IL21: variants seen among roughly 807,000 people sequenced by gnomAD.
IL21 encodes the protein interleukin-21.
A neutral mutation model predicts 18.4 loss-of-function variants in IL21; 3 were observed. The observed-to-expected ratio is 0.16, with a 90% CI of 0.07 to 0.42. IL21 has a LOEUF of 0.42. Ranked by LOEUF, IL21 falls within the 10% of genes least tolerant of loss-of-function variation. The pLI is 0.99. For synonymous variants in IL21, 37 were observed against 62.0 expected (o/e 0.60, Z 1.90); for missense variants, 130 against 188.4 (o/e 0.69, Z 1.81).
At position 122,610,183 on chromosome 4, in the gene IL21, A is replaced by T. The variant is rs1799247647; in HGVS notation, c.*2527T>A. On this transcript the variant is annotated 3_prime_UTR_variant, in exon 5 of 5. Coordinates refer to ENST00000648588, the MANE Select transcript of IL21 (RefSeq NM_021803.4). ...AACATGAACATTTAAAATCAAATAT[A>T]TAATAAATAATTATTAAGTTATAAA... Among the ~76,000 whole-genome samples the T allele has an allele frequency of 6.6e-6, 1 of 152,178 alleles. No homozygotes were observed. Among genetic ancestry groups the T allele is most frequent in the South Asian group, 2.1e-4 (1 of 4,828 alleles).
chr4:122,618,433 G>T (rs45603132), intron 2 of IL21, among the ~76,000 whole-genome samples: 30 of 152,102 alleles, frequency 2.0e-4, no homozygotes, highest in African/African-American at 7.0e-4. Flanking sequence ...ACCCAGCTGA[G>T]GCCTATTTTT....
At chr4:122,617,963 C>T (rs1245557537) in intron 2 of IL21, among the ~76,000 whole-genome samples, 2 of 152,204 alleles carry the variant, frequency 1.3e-5, no homozygotes, top group Non-Finnish European at 2.9e-5. Context: ...CCCTATCACT[C>T]AGGAGTCTAC....
At chr4:122,616,486 T>G (rs1799338853) in intron 2 of IL21, among the ~76,000 whole-genome samples, 1 of 152,196 alleles carries the variant, frequency 6.6e-6, no homozygotes, top group Non-Finnish European at 1.5e-5. Flanking sequence ...CACATGACTT[T>G]TCTAAAACCC....
chr4:122,615,720 G>T lies in IL21; in HGVS notation c.322C>A (p.Pro108Thr). 1 of 1,613,660 alleles carries T rather than the reference G, an allele frequency of 6.2e-7. No homozygotes were observed. The highest frequency in any genetic ancestry group is 1.3e-5 in the African/African-American group (1 of 75,024). Residue 108 changes from proline (P) to threonine (T), a missense_variant, in exon 3 of 5, where the codon CCT becomes ACT. Physicochemically the swap from Pro to Thr is conservative, Grantham distance 38 (BLOSUM62 -1). Transcript: ENST00000648588. ...VSIKKLKRKP[P>T]STNAGRRQKH... is the part of the protein sequence containing the mutation. The stretch of plus-strand genomic sequence containing the variant: ...TGTCTTCTCCCTGCATTTGTGGAAG[G>T]TGGTTTCCTCTTCAGCTTTTTAATT...
Position 122,615,666 on chromosome 4 carries a change from C to G in IL21, c.360+16G>C, listed in dbSNP as rs1237437641. On this transcript the variant is annotated intron_variant, in intron 3 of 4. Transcript: ENST00000648588. Reference sequence around the variant, plus strand: ...TTATAAGTACAAATAAGAGAGATGACAAATGACAATCTTACTAGTCTGTGT... The same window carrying G: ...TTATAAGTACAAATAAGAGAGATGAGAAATGACAATCTTACTAGTCTGTGT... The G allele has an allele frequency of 1.9e-6, 3 of 1,606,016 alleles. No homozygotes were observed. Among genetic ancestry groups the G allele is most frequent in the Non-Finnish European group, 2.6e-6 (3 of 1,176,418 alleles).
chr4:122,613,725 G>T (rs1279036873), intron 3 of IL21, among the ~76,000 whole-genome samples: 2 of 151,960 alleles, frequency 1.3e-5, no homozygotes, highest in East Asian at 3.8e-4. Flanking sequence ...ATATATCTTT[G>T]CTTATTTGAT....
intron 3 of IL21, among the ~76,000 whole-genome samples, chr4:122,614,317 C>T (rs1280434974): frequency 6.6e-6 from 1 of 151,902 alleles, no homozygotes; most frequent in Non-Finnish European, 1.5e-5. Flanking sequence ...GGTCACCAGG[C>T]CAAGCAATCA....
chr4:122,614,908 C>G (rs1799315940), intron 3 of IL21, among the ~76,000 whole-genome samples: 2 of 152,252 alleles, frequency 1.3e-5, no homozygotes, highest in South Asian at 4.2e-4. Context: ...AATACTGACT[C>G]TGCTGATGTA....
chr4:122,611,025 A>G lies in IL21; in HGVS notation c.*1685T>C, dbSNP rs1799257069. ...AATTTTTAACAATAAACATGCCAAA[A>G]GAAATACATTATTTTAAATATGAAA... On this transcript the variant is annotated 3_prime_UTR_variant, in exon 5 of 5. Transcript: ENST00000648588. Among the ~76,000 whole-genome samples, 1 of 152,226 alleles carries G rather than the reference A, an allele frequency of 6.6e-6. No homozygotes were observed. The highest frequency in any genetic ancestry group is 2.4e-5 in the African/African-American group (1 of 41,466).
In IL21 at chr4:122,610,427, G is replaced by A. The variant is rs1425901475; in HGVS notation, c.*2283C>T. ...TCCTTCCTTTTTTTTCTTGGAATAT[G>A]TCCCTTGTTCCTGCAGTGAGTGTTG... is the stretch of plus-strand genomic sequence containing the variant. On this transcript the variant is annotated 3_prime_UTR_variant, in exon 5 of 5. Coordinates refer to ENST00000648588, the MANE Select transcript of IL21 (RefSeq NM_021803.4). 6.6e-6 allele frequency among the ~76,000 whole-genome samples: 1 copy of A among 151,136 alleles called. No individual in the cohort carries two copies. Among genetic ancestry groups the A allele is most frequent in the Admixed American group, 6.6e-5 (1 of 15,172 alleles).
intron 3 of IL21, 120 bp from the exon 4 acceptor site, chr4:122,613,048 C>G: frequency 1.6e-6 from 1 of 626,038 alleles, no homozygotes; most frequent in Non-Finnish European, 2.7e-6. Flanking sequence ...TCGAGAAGTA[C>G]ATAAAACTGT....
intron 3 of IL21, 77 bp downstream of exon 3, chr4:122,615,603 GGT>G: frequency 4.6e-6 from 6 of 1,292,188 alleles, no homozygotes; most frequent in Non-Finnish European, 6.5e-6. Context: ...CCTGGCTACA[GGT>G]GTGTGTGTAT....
At chr4:122,614,240 A>G (rs1488819658) in intron 3 of IL21, among the ~76,000 whole-genome samples, 1 of 152,202 alleles carries the variant, frequency 6.6e-6, no homozygotes, top group Non-Finnish European at 1.5e-5. Flanking sequence ...CTACCACTTC[A>G]TGAGTTTCAA....
At position 122,620,911 on chromosome 4, in the gene IL21, C is replaced by T. The variant is rs763638879; in HGVS notation, c.101G>A (p.Arg34His). The T allele has an allele frequency of 4.3e-6, 7 of 1,614,014 alleles. No individual in the cohort carries two copies. Among genetic ancestry groups the T allele is most frequent in the African/African-American group, 2.7e-5 (2 of 75,010 alleles). ...AAGTTGACGCATTCTAATCATGTGG[C>T]GATCTTGACCTTGGGAGCTTGATTT... Reference protein sequence around the residue: ...VHKSSSQGQDRHMIRMRQLID... With the variant: ...VHKSSSQGQDHHMIRMRQLID... Residue 34 changes from arginine to histidine, a missense_variant, in exon 1 of 5, where the codon CGC becomes CAC. By Grantham distance (29) the Arg-to-His change is conservative. Coordinates refer to ENST00000648588, the MANE Select transcript of IL21 (RefSeq NM_021803.4).
At position 122,612,628 on chromosome 4, in the gene IL21, C is replaced by G; in HGVS notation, c.*82G>C. Reference sequence around the variant, plus strand: ...TTTTTCCCATCGCTAATATATTGTACTCCTCCACTTGGAATACAAAGAAAT... The same window carrying G: ...TTTTTCCCATCGCTAATATATTGTAGTCCTCCACTTGGAATACAAAGAAAT... On this transcript the variant is annotated 3_prime_UTR_variant, in exon 5 of 5. Coordinates refer to ENST00000648588, the MANE Select transcript of IL21 (RefSeq NM_021803.4). The G allele has an allele frequency of 9.9e-7, 1 of 1,008,892 alleles. No homozygotes were observed. The allele number at this position is 1,008,892 out of a possible 1,614,324, so 62.5% of individuals were successfully genotyped here.
chr4:122,620,520 TA>T (rs1799411104), intron 2 of IL21, among the ~76,000 whole-genome samples, 180 bp downstream of exon 2: 1 of 152,234 alleles, frequency 6.6e-6, no homozygotes, highest in South Asian at 2.1e-4. Context: ...TAGCATTTTT[TA>T]GTTGGTTTTT....
intron 2 of IL21, among the ~76,000 whole-genome samples, chr4:122,616,594 T>C (rs1799340378): frequency 6.6e-6 from 1 of 152,198 alleles, no homozygotes; most frequent in Non-Finnish European, 1.5e-5. Flanking sequence ...CGGAAAGTCA[T>C]TTCTTAGAAG....
chr4:122,618,159 C>A (rs1313313426), intron 2 of IL21, among the ~76,000 whole-genome samples: 1 of 152,152 alleles, frequency 6.6e-6, no homozygotes, highest in Non-Finnish European at 1.5e-5. Flanking sequence ...TAAAGTCAAA[C>A]GCAAGAATTA....
intron 2 of IL21, among the ~76,000 whole-genome samples, chr4:122,618,253 A>G (rs534306954): frequency 6.7e-6 from 1 of 149,492 alleles, no homozygotes; most frequent in African/African-American, 2.5e-5. Context: ...TTTGCAATTG[A>G]ATTTTTGAAA....
Sources: gnomAD v4.1 joint callset for allele counts (sites outside exome capture counted in the v4.1 genomes callset) on GRCh38, gnomAD v4.1.1 for gene constraint, MANE v1.5 for transcripts, NCBI Gene and HGNC (gene_info 2026-07-23, HGNC 2026-07-21) for gene names.